The following GLCE variants were observed in gnomAD, a reference collection of about 807,000 sequenced individuals.
The protein encoded by GLCE is glucuronic acid epimerase.
In GLCE, 19 loss-of-function variants were observed where a neutral mutation model predicts 47.9. The observed-to-expected ratio is 0.40, with a 90% confidence interval of 0.28 to 0.58. GLCE has a LOEUF of 0.58. Among genes scored for constraint, GLCE ranks in the 20% least tolerant of loss-of-function variants. The pLI is 0.48. For missense variants in GLCE, 556 were observed against 743.3 expected, an observed-to-expected ratio of 0.75 and a Z score of 2.93; for synonymous variants, 245 against 263.4, an observed-to-expected ratio of 0.93 and a Z score of 0.68.
intron 2 of GLCE, among the ~76,000 whole-genome samples, chr15:69,221,614 G>A (rs1208407727): frequency 6.6e-6 from 1 of 151,936 alleles, no homozygotes; most frequent in Non-Finnish European, 1.5e-5. Flanking sequence ...TATAATCCCA[G>A]CACTTTGGGA....
At chr15:69,244,302 C>A (rs931072821) in intron 2 of GLCE, among the ~76,000 whole-genome samples, 1 of 152,106 alleles carries the variant, frequency 6.6e-6, no homozygotes, top group Non-Finnish European at 1.5e-5. Context: ...ATTAATATGG[C>A]ATTTAATTAT....
intron 1 of GLCE, among the ~76,000 whole-genome samples, chr15:69,193,592 A>G (rs996207421): frequency 6.6e-6 from 1 of 152,092 alleles, no homozygotes; most frequent in African/African-American, 2.4e-5. Flanking sequence ...TTCACAAAAA[A>G]TCTCCTATGC....
intron 1 of GLCE, among the ~76,000 whole-genome samples, chr15:69,178,316 AT>A (rs1243184075): frequency 6.6e-6 from 1 of 152,164 alleles, no homozygotes; most frequent in Non-Finnish European, 1.5e-5. Context: ...ATAAGAAAAT[AT>A]TTTTGGAAAG....
At chr15:69,188,883 A>G (rs933714946) in intron 1 of GLCE, among the ~76,000 whole-genome samples, 1 of 152,200 alleles carries the variant, frequency 6.6e-6, no homozygotes, top group East Asian at 1.9e-4. Flanking sequence ...AATTTTAAAT[A>G]AACTTTATTT....
At chr15:69,221,347 T>C (rs1335964278) in intron 2 of GLCE, among the ~76,000 whole-genome samples, 3 of 152,242 alleles carry the variant, frequency 2.0e-5, no homozygotes, top group Non-Finnish European at 2.9e-5. Context: ...GTGCTGACAT[T>C]TTAACAATAT....
At chr15:69,186,628 A>T (rs16952917) in intron 1 of GLCE, among the ~76,000 whole-genome samples, 1,828 of 152,320 alleles carry the variant, frequency 0.012, 35 homozygotes, top group African/African-American at 0.041. Flanking sequence ...TCAGAAGAAG[A>T]TAAGGATGTG....
intron 2 of GLCE, among the ~76,000 whole-genome samples, chr15:69,251,058 C>G (rs181228968): frequency 3.9e-4 from 60 of 152,246 alleles, no homozygotes; most frequent in Middle Eastern, 3.4e-3. Flanking sequence ...ACAGCCCCCT[C>G]CTTTTTTATT....
chr15:69,188,256 A>G (rs1203548025), intron 1 of GLCE, among the ~76,000 whole-genome samples: 1 of 152,104 alleles, frequency 6.6e-6, no homozygotes, highest in African/African-American at 2.4e-5. Flanking sequence ...AAACAAAACA[A>G]AACAAAAAAA....
chr15:69,254,706 A>G (rs1346636906), intron 2 of GLCE, among the ~76,000 whole-genome samples: 1 of 152,190 alleles, frequency 6.6e-6, no homozygotes, highest in East Asian at 1.9e-4. Flanking sequence ...ATTGAGGAAA[A>G]GATTGGGAGT....
At chr15:69,255,676 C>T in intron 2 of GLCE, 118 bp from the exon 3 acceptor site, 1 of 574,922 alleles carries the variant, frequency 1.7e-6, no homozygotes, top group Non-Finnish European at 3.0e-6. Context: ...TAAATCTGAT[C>T]CAAAATTGTC....
chr15:69,189,816 ATTTTTTT>A (rs1054715995), intron 1 of GLCE, among the ~76,000 whole-genome samples: 1 of 150,966 alleles, frequency 6.6e-6, no homozygotes, highest in Non-Finnish European at 1.5e-5. Flanking sequence ...TCTCTTTCTA[ATTTTTTT>A]TTAACTTTTA....
chr15:69,177,605 G>GCATGCCCCTTTATTATCTTTACTT (rs1566947770), intron 1 of GLCE, among the ~76,000 whole-genome samples: 7 of 147,566 alleles, frequency 4.7e-5, no homozygotes, highest in Admixed American at 1.3e-4. Context: ...GTTTCTTCAT[G>GCATGCCCCTTTATTATCTTTACTT]CATGCCCCTT....
At chr15:69,207,548 A>C (rs1245942390) in intron 1 of GLCE, among the ~76,000 whole-genome samples, 1 of 152,088 alleles carries the variant, frequency 6.6e-6, no homozygotes, top group East Asian at 1.9e-4. Flanking sequence ...AAATACATTT[A>C]AGGTTTATTC....
chr15:69,214,204 C>T (rs1439223306), intron 2 of GLCE, among the ~76,000 whole-genome samples: 1 of 152,012 alleles, frequency 6.6e-6, no homozygotes, highest in African/African-American at 2.4e-5. Context: ...GGAGTTACTG[C>T]TTTTAGGCCT....
intron 2 of GLCE, among the ~76,000 whole-genome samples, chr15:69,232,511 T>C (rs932106249): frequency 6.6e-6 from 1 of 152,166 alleles, no homozygotes; most frequent in African/African-American, 2.4e-5. Flanking sequence ...TCCTGAGTTA[T>C]TTGTCATGAA....
chr15:69,167,107 T>G (rs2051515125), intron 1 of GLCE, among the ~76,000 whole-genome samples: 2 of 152,016 alleles, frequency 1.3e-5, no homozygotes, highest in South Asian at 2.1e-4. Flanking sequence ...TCCCAGGTAC[T>G]CGGGAGGCTG....
intron 1 of GLCE, among the ~76,000 whole-genome samples, chr15:69,207,328 C>T (rs1232471568): frequency 1.3e-5 from 2 of 151,988 alleles, no homozygotes; most frequent in East Asian, 1.9e-4. Flanking sequence ...AAATGCATAA[C>T]GTCATGTATA....
At chr15:69,208,075 A>G (rs1447561868) in intron 1 of GLCE, among the ~76,000 whole-genome samples, 1 of 152,022 alleles carries the variant, frequency 6.6e-6, no homozygotes, top group Non-Finnish European at 1.5e-5. Context: ...TGCAGGTATT[A>G]TCTCCCTGTC....
intron 2 of GLCE, among the ~76,000 whole-genome samples, chr15:69,214,275 A>G (rs2052273723): frequency 6.6e-6 from 1 of 152,124 alleles, no homozygotes; most frequent in Admixed American, 6.6e-5. Flanking sequence ...CCCCACCCAT[A>G]TCTCATCTTG....
Sources: gnomAD v4.1 joint callset for allele counts (sites outside exome capture counted in the v4.1 genomes callset) on GRCh38, gnomAD v4.1.1 for gene constraint, MANE v1.5 for transcripts, NCBI Gene and HGNC (gene_info 2026-07-23, HGNC 2026-07-21) for gene names.